Variants in BORCS5 observed in about 807,000 individuals in gnomAD.
BORCS5 encodes the protein BLOC-1-related complex subunit 5.
BORCS5 carries 17 observed loss-of-function variants against 22.1 expected under a neutral mutation model. The observed-to-expected ratio is 0.77, with a 90% CI of 0.53 to 1.15. The LOEUF (loss-of-function observed/expected upper bound fraction) is 1.15. Ranked by LOEUF, BORCS5 falls within the 50% of genes most tolerant of loss-of-function variation. The pLI is 0.00. For synonymous variants in BORCS5, 117 were observed against 99.8 expected, an observed-to-expected ratio of 1.17 and a Z score of -1.03; for missense variants, 247 against 253.2, an observed-to-expected ratio of 0.98 and a Z score of 0.17.
chr12:12,435,258 C>T (rs1942529667), intron 2 of BORCS5, among the ~76,000 whole-genome samples: 1 of 152,046 alleles, frequency 6.6e-6, no homozygotes, highest in African/African-American at 2.4e-5. Context: ...ATTCCTAGTA[C>T]CTTGAAGTGA....
chr12:12,409,800 G>T (rs888532335), intron 2 of BORCS5, among the ~76,000 whole-genome samples: 1 of 151,076 alleles, frequency 6.6e-6, no homozygotes, highest in Non-Finnish European at 1.5e-5. Context: ...CTGAGGAATC[G>T]CCACACTGAC....
chr12:12,425,758 A>G (rs1942271336), intron 2 of BORCS5, among the ~76,000 whole-genome samples: 3 of 152,150 alleles, frequency 2.0e-5, no homozygotes, highest in African/African-American at 7.2e-5. Context: ...TCTTCTGGTA[A>G]TCTGCTTGAG....
intron 2 of BORCS5, among the ~76,000 whole-genome samples, chr12:12,414,709 C>T (rs1477812517): frequency 4.5e-5 from 6 of 131,930 alleles, no homozygotes; most frequent in African/African-American, 9.0e-5. Flanking sequence ...ACCTCCCTCC[C>T]GGATGGGGTG....
intron 2 of BORCS5, among the ~76,000 whole-genome samples, chr12:12,426,848 C>T (rs1436743618): frequency 6.6e-6 from 1 of 152,212 alleles, no homozygotes; most frequent in East Asian, 1.9e-4. Flanking sequence ...AAAAGTTCCT[C>T]TGTCTTGCCC....
chr12:12,366,782 ATAAAG>A (rs1240035652), intron 2 of BORCS5, among the ~76,000 whole-genome samples: 2 of 152,236 alleles, frequency 1.3e-5, no homozygotes, highest in African/African-American at 4.8e-5. Flanking sequence ...TGTTTTATAT[ATAAAG>A]TTACAAAAAT....
At chr12:12,412,137 ATCTT>A in intron 2 of BORCS5, among the ~76,000 whole-genome samples, 1 of 152,212 alleles carries the variant, frequency 6.6e-6, no homozygotes, top group Non-Finnish European at 1.5e-5. Context: ...TTTTGGATGG[ATCTT>A]TCTATTTCTG....
chr12:12,364,809 A>G (rs1863369970), intron 2 of BORCS5, among the ~76,000 whole-genome samples: 2 of 152,166 alleles, frequency 1.3e-5, no homozygotes, highest in Non-Finnish European at 2.9e-5. Flanking sequence ...TCTACAAAAG[A>G]TACAAAACTT....
chr12:12,386,453 A>ATT lies in BORCS5; in HGVS notation c.202+25117_202+25118dup, dbSNP rs71061054. Among the ~76,000 whole-genome samples the ATT allele has an allele frequency of 4.5e-3, 633 of 140,132 alleles. 19 individuals are homozygous for ATT. Among genetic ancestry groups the ATT allele is most frequent in the African/African-American group, 0.01 (392 of 37,692 alleles). 91.9% of individuals were successfully genotyped at this position (140,132 alleles called of 152,430 possible). On this transcript the variant is annotated intron_variant, in intron 2 of 3. Transcript: ENST00000314565. Reference sequence around the variant, plus strand: ...GGTGGGGTTAAAGTCCACTGTTGCTATTTTTTTTTTTTTTATTTGTTCTAG... The same window carrying ATT: ...GGTGGGGTTAAAGTCCACTGTTGCTATTTTTTTTTTTTTTTTATTTGTTCTAG...
intron 2 of BORCS5, among the ~76,000 whole-genome samples, chr12:12,368,370 G>A (rs1863449672): frequency 6.6e-6 from 1 of 151,452 alleles, no homozygotes; most frequent in African/African-American, 2.4e-5. Flanking sequence ...AGATTCTAAG[G>A]CGCTTTAAGT....
At chr12:12,449,164 T>G (rs1247706537) in intron 3 of BORCS5, among the ~76,000 whole-genome samples, 1 of 152,118 alleles carries the variant, frequency 6.6e-6, no homozygotes, top group Non-Finnish European at 1.5e-5. Context: ...GCCTAGGAGC[T>G]TCATCCTTCC....
At chr12:12,371,070 TC>T (rs1476372707) in intron 2 of BORCS5, among the ~76,000 whole-genome samples, 1 of 152,030 alleles carries the variant, frequency 6.6e-6, no homozygotes, top group East Asian at 1.9e-4. Context: ...TTTAACATAT[TC>T]CCCTTATACT....
At chr12:12,406,520 AAG>A (rs1370143089) in intron 2 of BORCS5, among the ~76,000 whole-genome samples, 2 of 152,202 alleles carry the variant, frequency 1.3e-5, no homozygotes, top group African/African-American at 4.8e-5. Context: ...TGAGCAAGAA[AAG>A]TCCTGGCATT....
At chr12:12,420,177 AG>A (rs1324161766) in intron 2 of BORCS5, among the ~76,000 whole-genome samples, 1 of 145,568 alleles carries the variant, frequency 6.9e-6, no homozygotes, top group African/African-American at 2.7e-5. Flanking sequence ...TTATGGTTTT[AG>A]GTCTAACATG....
chr12:12,420,594 A>G (rs1942090744), intron 2 of BORCS5, among the ~76,000 whole-genome samples: 1 of 152,202 alleles, frequency 6.6e-6, no homozygotes, highest in Admixed American at 6.5e-5. Context: ...AGTCATTGGT[A>G]GCTTAATGGG....
chr12:12,377,588 G>A (rs1201068922), intron 2 of BORCS5, among the ~76,000 whole-genome samples: 6 of 151,972 alleles, frequency 3.9e-5, no homozygotes, highest in African/African-American at 1.4e-4. Context: ...TAGTATACTA[G>A]ATGTCATGGG....
At chr12:12,431,443 G>A (rs1449277348) in intron 2 of BORCS5, among the ~76,000 whole-genome samples, 4 of 125,076 alleles carry the variant, frequency 3.2e-5, no homozygotes, top group East Asian at 2.1e-4. Flanking sequence ...TTGCTCTGTC[G>A]GCAGGCTGGA....
At position 12,469,421 on chromosome 12, in the gene BORCS5, C is replaced by T. The variant is rs1021184622; in HGVS notation, c.*3645C>T. ...AAAAGTTTGATTTTATGTATGTGTG[C>T]GTCTGTATATATGTTTCTGTATCCT... On this transcript the variant is annotated 3_prime_UTR_variant, in exon 4 of 4. Transcript: ENST00000314565. 9 of 152,186 alleles carry T rather than the reference C, an allele frequency of 5.9e-5. No individual in the cohort carries two copies. Among genetic ancestry groups the T allele is most frequent in the African/African-American group, 1.9e-4 (8 of 41,440 alleles). 9.4% of individuals were successfully genotyped at this position (152,186 alleles called of 1,614,324 possible). A position where few individuals can be genotyped will look rare whatever the true frequency, so the allele number is the denominator to read the frequency against.
intron 2 of BORCS5, among the ~76,000 whole-genome samples, chr12:12,388,732 T>G (rs2136054206): frequency 6.6e-6 from 1 of 150,840 alleles, no homozygotes; most frequent in African/African-American, 2.4e-5. Flanking sequence ...TGGCTGACAT[T>G]TTTGGGGCCA....
intron 3 of BORCS5, among the ~76,000 whole-genome samples, chr12:12,453,604 A>T (rs921927842): frequency 6.6e-6 from 1 of 152,184 alleles, no homozygotes; most frequent in South Asian, 2.1e-4. Flanking sequence ...AATAACCATG[A>T]TGCATTACTG....
Sources: allele counts gnomAD v4.1 joint callset (sites outside exome capture counted in the v4.1 genomes callset), GRCh38; gene constraint gnomAD v4.1.1; transcripts MANE v1.5; gene names NCBI Gene and HGNC (gene_info 2026-07-23, HGNC 2026-07-21).